PTPRK: variants seen among roughly 807,000 people sequenced by gnomAD.
PTPRK encodes protein tyrosine phosphatase receptor type K, also known as receptor-type tyrosine-protein phosphatase kappa.
In PTPRK, 75 loss-of-function variants were observed where a neutral mutation model predicts 178.0. The ratio of observed to expected loss-of-function variants is 0.42; its 90% CI spans 0.35 to 0.51. The LOEUF is 0.51. Ranked by LOEUF, PTPRK falls within the 20% of genes least tolerant of loss-of-function variation. The probability of loss-of-function intolerance (pLI) is 0.02; values close to 1 mark genes in which losing one functional copy is unlikely to be tolerated. For missense variants in PTPRK, 1,441 were observed against 1,797.8 expected (o/e 0.80, Z 3.59); for synonymous variants, 637 against 620.6 (o/e 1.03, Z -0.39).
rs557353424 is a variant in PTPRK, at chr6:128,089,902, G to A, written c.1253C>T (p.Thr418Met). The change falls in exon 8 of 30, where the codon ACG becomes ATG. Residue 418 changes from threonine (T) to methionine (M), a missense_variant. Transcript: ENST00000368226. ...AGTGACATTAAAAGTGTGGCAACGC[G>A]TAATGTTGTAACCCAAGGATTCCCA... is the stretch of plus-strand genomic sequence containing the variant. ...VDWESLGYNI[T>M]RCHTFNVTIC... The A allele has an allele frequency of 1.9e-6, 3 of 1,612,174 alleles. No individual in the cohort carries two copies. Among genetic ancestry groups the A allele is most frequent in the African/African-American group, 1.3e-5 (1 of 74,974 alleles).
intron 2 of PTPRK, among the ~76,000 whole-genome samples, chr6:128,336,758 T>C (rs1234024965): frequency 3.9e-5 from 6 of 152,164 alleles, no homozygotes; most frequent in Non-Finnish European, 8.8e-5. Context: ...AACAAAAACT[T>C]CTTTTCCTTT....
intron 1 of PTPRK, among the ~76,000 whole-genome samples, chr6:128,439,910 C>A (rs755229239): frequency 3.3e-5 from 5 of 152,084 alleles, no homozygotes; most frequent in Non-Finnish European, 7.4e-5. Flanking sequence ...GAAGAATATC[C>A]CACCCTATCT....
In PTPRK at chr6:128,005,075, A is replaced by G. The variant is rs1246885965; in HGVS notation, c.2494+9T>C. ...ACATCATTTATTAAAATTTTAATGA[A>G]AAACTTACATCTTGGACTAAAGTTA... is the stretch of plus-strand genomic sequence containing the variant. On this transcript the variant is annotated intron_variant, in intron 15 of 29. Transcript: ENST00000368226. 3 of 1,600,794 alleles carry G rather than the reference A, an allele frequency of 1.9e-6. No individual in the cohort carries two copies. The highest frequency in any genetic ancestry group is 2.6e-6 in the Non-Finnish European group (3 of 1,171,590).
At position 128,001,240 on chromosome 6, in the gene PTPRK, C is replaced by A. The variant is rs1042627694; in HGVS notation, c.2495-2336G>T. The A allele has an allele frequency of 4.0e-6, 6 of 1,513,608 alleles. No homozygotes were observed. In the African/African-American group the frequency reaches 5.6e-5, roughly 14 times the overall value. The allele number at this position is 1,513,608 out of a possible 1,614,324, so 93.8% of individuals were successfully genotyped here. ...CCAATGAAGCAGTAAAACACAAAAA[C>A]CAAAAATACGAATCAGTATGAAAAG... On this transcript the variant is annotated intron_variant, in intron 15 of 29. Transcript: ENST00000368226.
Position 128,225,000 on chromosome 6 carries a change from T to G in PTPRK, c.694-5904A>C, listed in dbSNP as rs113825780. On this transcript the variant is annotated intron_variant, in intron 5 of 29. Transcript: ENST00000368226. ...AAATGAAATAATACATTTGGTTTTC[T>G]ATTACTTTCAGCTTGAAAGTATCCT... Among the ~76,000 whole-genome samples the G allele has an allele frequency of 6.6e-5, 10 of 152,320 alleles. No homozygotes were observed. The South Asian group carries it at 2.1e-3, about 32-fold the overall frequency.
intron 2 of PTPRK, among the ~76,000 whole-genome samples, chr6:128,372,992 TAA>T (rs745626336): frequency 4.2e-5 from 6 of 142,934 alleles, no homozygotes; most frequent in Non-Finnish European, 4.6e-5. Flanking sequence ...GAGGTAATTT[TAA>T]AAAAAAAAAA....
At chr6:128,229,701 G>A (rs1189333930) in intron 5 of PTPRK, among the ~76,000 whole-genome samples, 2 of 151,860 alleles carry the variant, frequency 1.3e-5, no homozygotes, top group Non-Finnish European at 2.9e-5. Flanking sequence ...AATATGGGAC[G>A]ATTTAAGATT....
intron 14 of PTPRK, among the ~76,000 whole-genome samples, chr6:128,007,131 G>A (rs1356763137): frequency 6.6e-6 from 1 of 150,684 alleles, no homozygotes; most frequent in African/African-American, 2.4e-5. Context: ...ATGCAATGCT[G>A]CTATATCTAT....
intron 6 of PTPRK, among the ~76,000 whole-genome samples, chr6:128,189,923 C>T (rs990122046): frequency 6.6e-5 from 10 of 152,100 alleles, no homozygotes; most frequent in African/African-American, 1.2e-4. Context: ...TCAGCTACCC[C>T]TACAATAATT....
intron 7 of PTPRK, among the ~76,000 whole-genome samples, chr6:128,153,399 A>C (rs1431766713): frequency 6.6e-6 from 1 of 152,006 alleles, no homozygotes; most frequent in African/African-American, 2.4e-5. Context: ...AAAGTAATTT[A>C]ATCTATTTAA....
At chr6:128,516,201 G>A (rs1220360929) in intron 1 of PTPRK, among the ~76,000 whole-genome samples, 1 of 152,068 alleles carries the variant, frequency 6.6e-6, no homozygotes, top group Non-Finnish European at 1.5e-5. Context: ...TGTGGGAGGG[G>A]GCAGAGTGGC....
intron 7 of PTPRK, among the ~76,000 whole-genome samples, chr6:128,168,368 C>CA (rs1799717376): frequency 6.6e-6 from 1 of 151,926 alleles, no homozygotes; most frequent in Non-Finnish European, 1.5e-5. Context: ...TGAGGTGCTA[C>CA]AAAAAATGAA....
intron 1 of PTPRK, among the ~76,000 whole-genome samples, chr6:128,442,353 G>A (rs1846388775): frequency 1.3e-5 from 2 of 151,938 alleles, no homozygotes; most frequent in Non-Finnish European, 2.9e-5. Flanking sequence ...TCCTTCAATG[G>A]TGGTGGGATC....
chr6:128,066,841 G>C (rs1003954737), intron 12 of PTPRK, among the ~76,000 whole-genome samples: 5 of 152,138 alleles, frequency 3.3e-5, no homozygotes, highest in Non-Finnish European at 5.9e-5. Flanking sequence ...CTAATGTCCT[G>C]TTGTGTTTTC....
intron 3 of PTPRK, among the ~76,000 whole-genome samples, chr6:128,268,780 A>G (rs1819347857): frequency 6.6e-6 from 1 of 152,070 alleles, no homozygotes; most frequent in Admixed American, 6.6e-5. Flanking sequence ...ATAGCCATCT[A>G]AAGTAAAATA....
At chr6:128,180,086 T>G (rs1340852464) in intron 7 of PTPRK, among the ~76,000 whole-genome samples, 1 of 152,082 alleles carries the variant, frequency 6.6e-6, no homozygotes, top group Non-Finnish European at 1.5e-5. Context: ...AGAGAGATGC[T>G]GCTAAAATGT....
intron 3 of PTPRK, among the ~76,000 whole-genome samples, chr6:128,310,405 G>A (rs1345100040): frequency 6.6e-6 from 1 of 152,072 alleles, no homozygotes; most frequent in Non-Finnish European, 1.5e-5. Context: ...ACAGGATAAC[G>A]TTGCCTTCCG....
At chr6:128,300,188 G>T (rs932680703) in intron 3 of PTPRK, among the ~76,000 whole-genome samples, 6 of 152,064 alleles carry the variant, frequency 3.9e-5, no homozygotes, top group Admixed American at 1.3e-4. Context: ...TCTCACACCA[G>T]TTAGAATGGC....
intron 13 of PTPRK, among the ~76,000 whole-genome samples, chr6:128,050,079 T>C (rs1045107779): frequency 2.6e-5 from 4 of 152,024 alleles, no homozygotes; most frequent in African/African-American, 7.2e-5. Context: ...GAGGTTGTGG[T>C]GAGCGGAGAT....
Sources: allele counts gnomAD v4.1 joint callset (sites outside exome capture counted in the v4.1 genomes callset), GRCh38; gene constraint gnomAD v4.1.1; transcripts MANE v1.5; gene names NCBI Gene and HGNC (gene_info 2026-07-23, HGNC 2026-07-21).